Variants in SKIC3 observed in about 807,000 individuals in gnomAD.
SKIC3 encodes the protein superkiller complex protein 3.
chr5:95,525,814 A>T, the SKIC3 span: 1 of 754,674 alleles, frequency 1.3e-6, no homozygotes, highest in Non-Finnish European at 2.2e-6. Flanking sequence ...ATCACTAATA[A>T]CACATCTTCA....
chr5:95,488,439 G>A, the SKIC3 span, among the ~76,000 whole-genome samples: 8 of 152,000 alleles, frequency 5.3e-5, no homozygotes, highest in Non-Finnish European at 8.8e-5. Flanking sequence ...ATAAAGAGAA[G>A]AGCATACTAC....
the SKIC3 span, among the ~76,000 whole-genome samples, chr5:95,511,146 C>A: frequency 6.6e-6 from 1 of 152,216 alleles, no homozygotes; most frequent in African/African-American, 2.4e-5. Flanking sequence ...CACAGTGGCT[C>A]ACGCCTGTAA....
At chr5:95,464,536 G>A in the SKIC3 span, 2 of 1,174,358 alleles carry the variant, frequency 1.7e-6, no homozygotes, top group Middle Eastern at 2.5e-4. Context: ...GTTGCTTTGG[G>A]TAGAAGTCTT....
the SKIC3 span, among the ~76,000 whole-genome samples, chr5:95,527,101 G>A: frequency 6.6e-6 from 1 of 152,094 alleles, no homozygotes; most frequent in Non-Finnish European, 1.5e-5. Flanking sequence ...GCCCTTTTTA[G>A]CCAGTAAGAA....
At chr5:95,543,676 C>T in the SKIC3 span, among the ~76,000 whole-genome samples, 6 of 152,212 alleles carry the variant, frequency 3.9e-5, no homozygotes, top group Non-Finnish European at 8.8e-5. Flanking sequence ...GTCAAATTCA[C>T]AAAGCTGTTC....
chr5:95,540,661 A>G, the SKIC3 span: 219 of 1,612,814 alleles, frequency 1.4e-4, no homozygotes, highest in Non-Finnish European at 1.7e-4. Context: ...ATTTTCATGA[A>G]CAAACTTGAG....
the SKIC3 span, among the ~76,000 whole-genome samples, chr5:95,470,832 G>A: frequency 6.6e-6 from 1 of 151,962 alleles, no homozygotes; most frequent in East Asian, 1.9e-4. Context: ...AAGTATTTCT[G>A]AAGAAACAGT....
the SKIC3 span, among the ~76,000 whole-genome samples, chr5:95,496,558 T>A: frequency 2.6e-5 from 4 of 152,272 alleles, no homozygotes; most frequent in South Asian, 6.2e-4. Flanking sequence ...CTAAACTTTG[T>A]ATAACGTAGT....
At chr5:95,543,287 A>T in the SKIC3 span, 2 of 1,614,024 alleles carry the variant, frequency 1.2e-6, no homozygotes, top group Non-Finnish European at 1.7e-6. Context: ...GCCAATAAAA[A>T]CCCAGGCATT....
At chr5:95,473,617 G>A in the SKIC3 span, among the ~76,000 whole-genome samples, 1 of 152,180 alleles carries the variant, frequency 6.6e-6, no homozygotes, top group Non-Finnish European at 1.5e-5. Flanking sequence ...TCTGACTGGT[G>A]TGAAATGGTG....
the SKIC3 span, chr5:95,514,838 T>C: frequency 3.1e-6 from 5 of 1,609,742 alleles, no homozygotes; most frequent in Non-Finnish European, 4.2e-6. Context: ...TTAGTAACTA[T>C]ATGTTATATT....
chr5:95,495,152 T>C, the SKIC3 span: 13 of 756,982 alleles, frequency 1.7e-5, no homozygotes, highest in African/African-American at 2.3e-4. Context: ...CCTAAACTTC[T>C]TAAAAGTATC....
chr5:95,516,588 T>G, the SKIC3 span: 1 of 1,613,298 alleles, frequency 6.2e-7, no homozygotes, highest in Non-Finnish European at 8.5e-7. Flanking sequence ...TTCCAATACC[T>G]GAAAAATACA....
At chr5:95,492,652 G>GAA in the SKIC3 span, among the ~76,000 whole-genome samples, 21 of 48,830 alleles carry the variant, frequency 4.3e-4, no homozygotes, top group East Asian at 7.3e-4. Context: ...AAAAAAAAAA[G>GAA]AAAAAAAAAA....
At chr5:95,506,788 A>T in the SKIC3 span, 1 of 808,962 alleles carries the variant, frequency 1.2e-6, no homozygotes, top group Non-Finnish European at 2.0e-6. Flanking sequence ...GGTATAGGAA[A>T]CTGTTAACAG....
chr5:95,476,174 T>A, the SKIC3 span, among the ~76,000 whole-genome samples: 1 of 152,214 alleles, frequency 6.6e-6, no homozygotes, highest in Non-Finnish European at 1.5e-5. Context: ...TCTTAGCTCT[T>A]GAGGGTAGGG....
the SKIC3 span, among the ~76,000 whole-genome samples, chr5:95,464,835 C>T: frequency 6.6e-6 from 1 of 151,028 alleles, no homozygotes; most frequent in Non-Finnish European, 1.5e-5. Context: ...CTTTCAGTCA[C>T]TTTTGCAGAT....
chr5:95,477,580 T>C, the SKIC3 span, among the ~76,000 whole-genome samples: 9 of 152,064 alleles, frequency 5.9e-5, no homozygotes, highest in South Asian at 6.2e-4. Context: ...AAATGAAAAA[T>C]TCTCCTCTAC....
chr5:95,531,660 T>C, the SKIC3 span, among the ~76,000 whole-genome samples: 3 of 152,166 alleles, frequency 2.0e-5, no homozygotes, highest in African/African-American at 7.2e-5. Flanking sequence ...TATGGTTCAG[T>C]AGGTCTGTTT....
Sources: allele counts gnomAD v4.1 joint callset (sites outside exome capture counted in the v4.1 genomes callset), GRCh38; gene constraint gnomAD v4.1.1; transcripts MANE v1.5; gene names NCBI Gene and HGNC (gene_info 2026-07-23, HGNC 2026-07-21).